COL2A1: variants seen among roughly 807,000 people sequenced by gnomAD.
The protein encoded by COL2A1 is collagen alpha-1(II) chain.
Under a neutral mutation model 204.5 loss-of-function variants are expected in COL2A1, and 28 were observed. The observed-to-expected ratio is 0.14, with a 90% CI of 0.10 to 0.19. COL2A1 has a LOEUF of 0.19. Ranked by LOEUF, COL2A1 falls within the 10% of genes least tolerant of loss-of-function variation. The pLI is 1.00. For missense variants in COL2A1, 1,388 were observed against 2,027.5 expected (o/e 0.68, Z 6.06); for synonymous variants, 708 against 718.7 (o/e 0.99, Z 0.24).
In COL2A1 at chr12:47,975,524, C is replaced by T. The variant is rs1284572823; in HGVS notation, c.3679G>A (p.Gly1227Ser). 2 of 1,609,520 alleles carry T rather than the reference C, an allele frequency of 1.2e-6. No homozygotes were observed. The highest frequency in any genetic ancestry group is 1.3e-5 in the African/African-American group (1 of 75,018). ...GIDMSAFAGL[G>S]PREKGPDPLQ... ...GGGTCGGGGCCCTTCTCTCTCGGGC[C>T]TAAGCCAGCAAAGGCGGACATGTCG... is the stretch of plus-strand genomic sequence containing the variant. Residue 1227 changes from glycine (G) to serine (S), a missense_variant, in exon 51 of 54, where the codon GGC becomes AGC. This residue lies in a region of COL2A1 where 303 missense variants were observed against 369.2 expected (regional missense o/e 0.82). Transcript: ENST00000380518.
At chr12:47,991,375 T>G (rs1275230452) in intron 16 of COL2A1, among the ~76,000 whole-genome samples, 1 of 152,090 alleles carries the variant, frequency 6.6e-6, no homozygotes, top group Non-Finnish European at 1.5e-5. Flanking sequence ...CAGCCCAGTC[T>G]CCAGGCCAGC....
At chr12:47,986,262 C>A (rs1939400267) in intron 23 of COL2A1, 74 bp downstream of exon 23, 1 of 1,027,112 alleles carries the variant, frequency 9.7e-7, no homozygotes, top group Non-Finnish European at 1.5e-6. Flanking sequence ...TTGACCAGAA[C>A]ACGGACCACA....
Position 47,976,389 on chromosome 12 carries a change from C to T in COL2A1, c.3489+125G>A, listed in dbSNP as rs936965187. 2 of 1,081,726 alleles carry T rather than the reference C, an allele frequency of 1.8e-6. No homozygotes were observed. The highest frequency in any genetic ancestry group is 3.1e-5 in the African/African-American group (2 of 64,262). 67.0% of individuals were successfully genotyped at this position (1,081,726 alleles called of 1,614,324 possible). Reference sequence around the variant, plus strand: ...TAGGCACATGAGCCAGTCCTGCCCCCATTACTGAGTGAGGACCCCTGAGCC... The same window carrying T: ...TAGGCACATGAGCCAGTCCTGCCCCTATTACTGAGTGAGGACCCCTGAGCC... On this transcript the variant is annotated intron_variant, in intron 49 of 53. Transcript: ENST00000380518. This position sits in a 1 kb window ranked among gnomAD's most constrained non-coding sequence, Gnocchi z 4.3.
intron 16 of COL2A1, among the ~76,000 whole-genome samples, chr12:47,990,852 G>T (rs1396215701): frequency 1.3e-5 from 2 of 152,198 alleles, no homozygotes; most frequent in African/African-American, 2.4e-5. Context: ...AACTCTGGGG[G>T]CCACAGGCTG....
At chr12:47,993,910 T>C in intron 13 of COL2A1, 48 bp from the exon 14 acceptor site, 1 of 1,613,726 alleles carries the variant, frequency 6.2e-7, no homozygotes, top group Non-Finnish European at 8.5e-7. Flanking sequence ...GAAACCCAAG[T>C]TGGAAGAAAT....
In COL2A1 at chr12:47,987,110, C is replaced by A; in HGVS notation, c.1333G>T (p.Ala445Ser). 6.2e-7 allele frequency: 1 copy of A among 1,614,160 alleles called. No individual in the cohort carries two copies. The highest frequency in any genetic ancestry group is 8.5e-7 in the Non-Finnish European group (1 of 1,180,026). Residue 445 changes from alanine (A) to serine (S), a missense_variant, in exon 21 of 54, where the codon GCA (alanine) becomes TCA (serine). By Grantham distance (99) the Ala-to-Ser change is moderately conservative. This residue lies in a region of COL2A1 where 884 missense variants were observed against 1,415.8 expected (regional missense o/e 0.62). Transcript: ENST00000380518. The surrounding 1 kb of genome is among the most constrained non-coding windows in gnomAD (Gnocchi z 4.1). ...GPRGPPGPQG[A>S]TGPLGPKGQT... The stretch of plus-strand genomic sequence containing the variant: ...CCTTTCGGGCCCAGAGGACCAGTTG[C>A]ACCTTGAGGGCCAGGAGGGCCCCGT...
rs1187182659 is a variant in COL2A1, at chr12:47,978,665, C to T, written c.2827G>A (p.Glu943Lys). The T allele has an allele frequency of 6.2e-7, 1 of 1,613,302 alleles. No individual in the cohort carries two copies. ...CCAGCAGGACCTTGGAGGCCGGGTT[C>T]ACCAGCTCGGCCAGGGGGGCCGCTG... is the stretch of plus-strand genomic sequence containing the variant. The part of the protein sequence containing the change: ...GDSGPPGRAG[E>K]PGLQGPAGPP... Residue 943 changes from glutamate to lysine, a missense_variant, in exon 42 of 54, where the codon GAA (glutamate) becomes AAA (lysine). Coordinates refer to ENST00000380518, the MANE Select transcript of COL2A1 (RefSeq NM_001844.5). The surrounding 1 kb of genome is among the most constrained non-coding windows in gnomAD (Gnocchi z 5.5).
chr12:47,991,483 C>T (rs1455131824), intron 16 of COL2A1, among the ~76,000 whole-genome samples: 8 of 152,124 alleles, frequency 5.3e-5, no homozygotes, highest in African/African-American at 1.4e-4. Flanking sequence ...GAAGTCAAGG[C>T]TGAGAAGGCT....
At chr12:48,006,121 C>T (rs1026296968), upstream of COL2A1, 4 of 152,258 alleles carry the variant, frequency 2.6e-5, no homozygotes, top group Non-Finnish European at 5.9e-5. Context: ...CTGGGCTCTT[C>T]CTCAGGCCCA....
intron 22 of COL2A1, 139 bp from the exon 23 acceptor site, chr12:47,986,582 A>G (rs1207313466): frequency 1.1e-5 from 8 of 716,816 alleles, no homozygotes; most frequent in Non-Finnish European, 1.9e-5. Context: ...GCCATAAAGG[A>G]CGAGCCATGG....
intron 10 of COL2A1, 63 bp from the exon 11 acceptor site, chr12:47,995,371 A>G: frequency 7.2e-7 from 1 of 1,397,080 alleles, no homozygotes; most frequent in East Asian, 2.3e-5. Flanking sequence ...AGCAATGGAC[A>G]AAACTTTGAC....
In COL2A1 at chr12:47,978,638, G is replaced by A; in HGVS notation, c.2854C>T (p.Pro952Ser). ...GEPGLQGPAG[P>S]PGEKGEPGDD... ...CCAGGCTCTCCCTTCTCGCCAGGGG[G>A]TCCAGCAGGACCTTGGAGGCCGGGT... Residue 952 changes from proline (P) to serine (S), a missense_variant, in exon 42 of 54, where the codon CCC becomes TCC. By Grantham distance (74) the Pro-to-Ser change is moderately conservative (BLOSUM62 -1). Transcript: ENST00000380518. This position sits in a 1 kb window ranked among gnomAD's most constrained non-coding sequence, Gnocchi z 5.5. 2 of 1,613,548 alleles carry A rather than the reference G, an allele frequency of 1.2e-6. No homozygotes were observed. Among genetic ancestry groups the A allele is most frequent in the East Asian group, 4.5e-5 (2 of 44,882 alleles).
rs749082430 is a variant in COL2A1, at chr12:47,983,424, A to C, written c.2010T>G (p.Pro670=). 1 of 1,613,972 alleles carries C rather than the reference A, an allele frequency of 6.2e-7. No individual in the cohort carries two copies. Among genetic ancestry groups the C allele is most frequent in the South Asian group, 1.1e-5 (1 of 91,088 alleles). The change falls in exon 31 of 54, where the codon CCT becomes CCG. Residue 670 remains proline (P), a synonymous_variant. Transcript: ENST00000380518. ...GPSGFQGLPG[P]PGPPGEGGKP... ...TTCCACCTTCACCTGGGGGACCAGG[A>C]GGGCCAGGAAGTCCCTAGAAGCCGA...
At chr12:47,996,403 G>A (rs528845275) in intron 8 of COL2A1, 145 bp downstream of exon 8, 1 of 784,612 alleles carries the variant, frequency 1.3e-6, no homozygotes, top group African/African-American at 1.7e-5. Context: ...CAAATGCTTT[G>A]GGCTAGCTGA....
intron 1 of COL2A1, among the ~76,000 whole-genome samples, chr12:48,003,832 A>G (rs1283695135): frequency 1.3e-5 from 2 of 152,076 alleles, no homozygotes; most frequent in African/African-American, 4.8e-5. Flanking sequence ...ACTTCACCTA[A>G]GTTCGATGAG....
chr12:47,976,849 C>T lies in COL2A1; in HGVS notation c.3398G>A (p.Arg1133His), dbSNP rs776292672. The T allele has an allele frequency of 2.4e-5, 38 of 1,613,320 alleles. No homozygotes were observed. The highest frequency in any genetic ancestry group is 4.4e-5 in the South Asian group (4 of 90,916). ...CAGACCCTGCAGACCAGTGAAGCCA[C>T]GGTGTCCCTTCAGGCCTCTCTCGCC... ...EPGERGLKGHRGFTGLQGLPG... is the reference protein window; with the variant it reads ...EPGERGLKGHHGFTGLQGLPG... Residue 1133 changes from arginine to histidine, a missense_variant, in exon 48 of 54, where the codon CGT (arginine) becomes CAT (histidine). By Grantham distance (29) the Arg-to-His change is conservative. Transcript: ENST00000380518. The surrounding 1 kb of genome is among the most constrained non-coding windows in gnomAD (Gnocchi z 4.3).
chr12:48,002,065 C>G (rs949361085), intron 1 of COL2A1, among the ~76,000 whole-genome samples: 1 of 152,144 alleles, frequency 6.6e-6, no homozygotes, highest in Non-Finnish European at 1.5e-5. Flanking sequence ...GACCTCGTCT[C>G]TCATGAATGG....
Position 47,985,737 on chromosome 12 carries a change from A to G in COL2A1, c.1671T>C (p.Pro557=), listed in dbSNP as rs1426712454. The G allele has an allele frequency of 1.2e-6, 2 of 1,613,836 alleles. No homozygotes were observed. The highest frequency in any genetic ancestry group is 1.3e-5 in the African/African-American group (1 of 74,902). Residue 557 remains proline (P), a synonymous_variant, in exon 25 of 54, where the codon CCT becomes CCC. Transcript: ENST00000380518. ...DPGRPGEPGL[P]GARGLTGRPG... ...CAGCTCTGCTACTTACCCGGGCTCC[A>G]GGAAGGCCAGGTTCTCCAGGACGGC... is the stretch of plus-strand genomic sequence containing the variant.
At chr12:47,986,196 C>G (rs2136570037) in intron 23 of COL2A1, 140 bp downstream of exon 23, 1 of 759,240 alleles carries the variant, frequency 1.3e-6, no homozygotes, top group East Asian at 2.7e-5. Context: ...CAGACTCCCT[C>G]TCCCCGCGGT....
Sources: allele counts gnomAD v4.1 joint callset (sites outside exome capture counted in the v4.1 genomes callset), GRCh38; gene constraint gnomAD v4.1.1; regional missense constraint gnomAD v4.1.1; non-coding constraint Gnocchi (gnomAD v3.1); transcripts MANE v1.5; gene names NCBI Gene and HGNC (gene_info 2026-07-23, HGNC 2026-07-21).